Variants in KAZN observed in about 807,000 individuals in gnomAD.
The protein encoded by KAZN is kazrin, periplakin interacting protein.
Under a neutral mutation model 87.4 loss-of-function variants are expected in KAZN, and 40 were observed. The observed-to-expected ratio is 0.46, with a 90% CI of 0.36 to 0.60. KAZN has a LOEUF of 0.60. Among genes scored for constraint, KAZN ranks in the 20% least tolerant of loss-of-function variants. KAZN has a pLI of 0.00. For synonymous variants in KAZN, 466 were observed against 458.3 expected (o/e 1.02, Z -0.22); for missense variants, 898 against 1,073.9 (o/e 0.84, Z 2.29).
chr1:14,621,390 G>T (rs183815146), intron 1 of KAZN, among the ~76,000 whole-genome samples: 3 of 152,324 alleles, frequency 2.0e-5, no homozygotes, highest in African/African-American at 7.2e-5. Flanking sequence ...TTTAAGAAAA[G>T]CTCTGACTCT....
intron 1 of KAZN, among the ~76,000 whole-genome samples, chr1:14,884,028 C>T (rs1653774274): frequency 6.6e-6 from 1 of 152,108 alleles, no homozygotes; most frequent in Admixed American, 6.5e-5. Context: ...ACAATATTTT[C>T]CCCATTTCAC....
At chr1:14,629,248 C>A (rs1389346085) in intron 1 of KAZN, among the ~76,000 whole-genome samples, 1 of 152,064 alleles carries the variant, frequency 6.6e-6, no homozygotes, top group Non-Finnish European at 1.5e-5. Flanking sequence ...TTGGGGTTGG[C>A]GTGTGTTTAT....
intron 2 of KAZN, among the ~76,000 whole-genome samples, chr1:14,350,143 A>G (rs867588706): frequency 4.6e-5 from 7 of 151,342 alleles, no homozygotes; most frequent in Middle Eastern, 3.4e-3. Context: ...CAAAAAAAAA[A>G]AAAAAAAAAG....
At chr1:14,137,701 CTTTTTTTTTTT>C (rs35819477) in intron 1 of KAZN, among the ~76,000 whole-genome samples, 1 of 65,064 alleles carries the variant, frequency 1.5e-5, no homozygotes, top group Non-Finnish European at 2.6e-5. Context: ...AAATATAAGG[CTTTTTTTTTTT>C]TTTTTTTTTT....
intron 4 of KAZN, among the ~76,000 whole-genome samples, chr1:15,046,039 T>C (rs1198522600): frequency 6.6e-6 from 1 of 152,242 alleles, no homozygotes; most frequent in Admixed American, 6.5e-5. Flanking sequence ...GGCTCATGCC[T>C]GTAATCGCAG....
At chr1:14,012,624 G>A (rs1640367679) in intron 1 of KAZN, among the ~76,000 whole-genome samples, 1 of 152,148 alleles carries the variant, frequency 6.6e-6, no homozygotes, top group African/African-American at 2.4e-5. Flanking sequence ...GGCCAACATG[G>A]CGAAACTTCA....
At chr1:14,709,742 C>T (rs1213372330) in intron 1 of KAZN, among the ~76,000 whole-genome samples, 1 of 152,142 alleles carries the variant, frequency 6.6e-6, no homozygotes, top group Non-Finnish European at 1.5e-5. Flanking sequence ...TTCCTGTCCT[C>T]CCCATCTAAG....
Position 14,599,203 on chromosome 1 carries a change from AC to A in KAZN, c.211del (p.Gln71SerfsTer25), listed in dbSNP as rs1380255398. On this transcript the variant is annotated frameshift_variant, in exon 1 of 15. Transcript: ENST00000376030. LOFTEE classifies it high-confidence loss of function. The surrounding 1 kb of genome is among the most constrained non-coding windows in gnomAD (Gnocchi z 4.4). ...GACTCGGCGGCGACGAACATGGAGA[AC>A]CCCCAGCTTGGAGCGCAAGGTAGGA... ...AGDSAATNME[N>X]PQLGAQVLLR... 3 of 1,399,674 alleles carry A rather than the reference AC, an allele frequency of 2.1e-6. No individual in the cohort carries two copies. Among genetic ancestry groups the A allele is most frequent in the Non-Finnish European group, 2.8e-6 (3 of 1,078,986 alleles). 86.7% of individuals were successfully genotyped at this position (1,399,674 alleles called of 1,614,324 possible).
At chr1:13,991,333 G>C (rs1047790613) in intron 1 of KAZN, among the ~76,000 whole-genome samples, 3 of 151,930 alleles carry the variant, frequency 2.0e-5, no homozygotes, top group African/African-American at 7.3e-5. Context: ...AGCATTAAGA[G>C]AAATACCTAA....
intron 1 of KAZN, among the ~76,000 whole-genome samples, chr1:14,824,533 G>A (rs1253326126): frequency 6.6e-6 from 1 of 152,218 alleles, no homozygotes; most frequent in East Asian, 1.9e-4. Context: ...AAATGACACA[G>A]GTTTCAGAGT....
intron 2 of KAZN, among the ~76,000 whole-genome samples, chr1:14,311,371 T>C (rs1179407949): frequency 6.6e-6 from 1 of 152,210 alleles, no homozygotes. Flanking sequence ...GAGGATGATA[T>C]AAAGCTTTAT....
intron 2 of KAZN, among the ~76,000 whole-genome samples, chr1:14,261,060 A>G (rs535727205): frequency 1.3e-5 from 2 of 152,224 alleles, no homozygotes; most frequent in Non-Finnish European, 2.9e-5. Flanking sequence ...TCTTAGGAAG[A>G]CAGAAGTTAA....
intron 1 of KAZN, among the ~76,000 whole-genome samples, chr1:14,917,326 G>C (rs1034795666): frequency 5.3e-5 from 8 of 152,212 alleles, no homozygotes; most frequent in African/African-American, 1.7e-4. Context: ...AAGAAGAGGA[G>C]ATCAGCACCA....
At position 14,808,018 on chromosome 1, in the gene KAZN, T is replaced by C. The variant is rs562226408; in HGVS notation, c.227-152666T>C. On this transcript the variant is annotated intron_variant, in intron 1 of 14. Coordinates refer to ENST00000376030, the MANE Select transcript of KAZN (RefSeq NM_201628.3). ...GAAGGACTGGCTCCATTGTGCTCAG[T>C]TCTTTAGCCTATACCTGCCAGGCAA... 7.7e-4 allele frequency among the ~76,000 whole-genome samples: 118 copies of C among 152,278 alleles called. 1 individual carries two copies. Among genetic ancestry groups the C allele is most frequent in the Middle Eastern group, 3.4e-3 (1 of 294 alleles).
intron 2 of KAZN, among the ~76,000 whole-genome samples, chr1:14,474,479 C>T (rs752640604): frequency 6.6e-6 from 1 of 152,152 alleles, no homozygotes; most frequent in African/African-American, 2.4e-5. Context: ...AGTTGAAACA[C>T]TCCTGAAATA....
intron 1 of KAZN, among the ~76,000 whole-genome samples, chr1:14,611,070 C>T (rs1677779447): frequency 6.6e-6 from 1 of 152,126 alleles, no homozygotes; most frequent in African/African-American, 2.4e-5. Context: ...CACAAGCCAG[C>T]CAAAAGTATG....
intron 1 of KAZN, among the ~76,000 whole-genome samples, chr1:14,928,255 C>A (rs1000933580): frequency 5.3e-5 from 8 of 152,064 alleles, no homozygotes; most frequent in African/African-American, 1.9e-4. Flanking sequence ...TCGAGACCAT[C>A]CTGGCTAACA....
chr1:14,491,977 A>G (rs1245655371), intron 2 of KAZN, among the ~76,000 whole-genome samples: 3 of 152,192 alleles, frequency 2.0e-5, no homozygotes, highest in Non-Finnish European at 4.4e-5. Context: ...GCAGTAAGAC[A>G]TTTAACAATT....
At chr1:14,514,623 A>ATTTTATATATTTTTTTATATTT (rs1671204423) in intron 2 of KAZN, among the ~76,000 whole-genome samples, 3 of 53,726 alleles carry the variant, frequency 5.6e-5, no homozygotes, top group African/African-American at 1.0e-4. Flanking sequence ...ATATATATAT[A>ATTTTATATATTTTTTTATATTT]TATATATATA....
Sources: gnomAD v4.1 joint callset for allele counts (sites outside exome capture counted in the v4.1 genomes callset) on GRCh38, gnomAD v4.1.1 for gene constraint, Gnocchi (gnomAD v3.1) non-coding constraint, MANE v1.5 for transcripts, NCBI Gene and HGNC (gene_info 2026-07-23, HGNC 2026-07-21) for gene names.